The following C1orf167 variants were observed in gnomAD, a reference collection of about 807,000 sequenced individuals.
The protein encoded by C1orf167 is uncharacterized protein C1orf167.
In C1orf167, 153 loss-of-function variants were observed where a neutral mutation model predicts 176.5. The observed-to-expected ratio is 0.87, with a 90% CI of 0.76 to 0.99. The LOEUF (loss-of-function observed/expected upper bound fraction) is 0.99, where lower values mean the gene tolerates loss of function less well. C1orf167 is among the 50% of genes least tolerant of loss of function. The pLI, the probability that C1orf167 is intolerant of heterozygous loss-of-function variation, is 0.00. For synonymous variants in C1orf167, 594 were observed against 752.7 expected (o/e 0.79, Z 3.45); for missense variants, 1,490 against 1,817.7 (o/e 0.82, Z 3.28).
Position 11,772,790 on chromosome 1 carries a change from A to G in C1orf167, c.1988+531A>G, listed in dbSNP as rs1027870827. Among the ~76,000 whole-genome samples, 3 of 152,196 alleles carry G rather than the reference A, an allele frequency of 2.0e-5. No homozygotes were observed. In the East Asian group the frequency reaches 5.8e-4, roughly 29 times the overall value. On this transcript the variant is annotated intron_variant, in intron 8 of 20. Coordinates refer to ENST00000688073, the MANE Select transcript of C1orf167 (RefSeq NM_001010881.2). ...AACAGACAGGAAACTAGCAGTCCCAAGGGTGTATGTGAATACCACCTGGCT... is the reference window on the plus strand; with the variant it reads ...AACAGACAGGAAACTAGCAGTCCCAGGGGTGTATGTGAATACCACCTGGCT...
rs1160949051 is a variant in C1orf167, at chr1:11,767,076, T to G, written c.1290T>G (p.Ser430Arg). The G allele has an allele frequency of 3.0e-5, 37 of 1,232,890 alleles. No homozygotes were observed. Among genetic ancestry groups the G allele is most frequent in the Non-Finnish European group, 1.0e-6 (1 of 959,670 alleles). The allele number at this position is 1,232,890 out of a possible 1,614,324, so 76.4% of individuals were successfully genotyped here. The change falls in exon 3 of 21, where the codon AGT (serine) becomes AGG (arginine). Residue 430 changes from serine to arginine, a missense_variant. Ser to Arg is a moderately radical substitution (Grantham distance 110). Coordinates refer to ENST00000688073, the MANE Select transcript of C1orf167 (RefSeq NM_001010881.2). ...TGTCAGACACAGTCCCAGCGAGCAG[T>G]GCGTCGAAGGTAGAGGCCCGGGGAG... is the stretch of plus-strand genomic sequence containing the variant. ...FHLSDTVPAS[S>R]ASKNKAQNIT... is the part of the protein sequence containing the mutation.
At chr1:11,777,034 G>T (rs1643352605) in intron 10 of C1orf167, 1 of 155,426 alleles carries the variant, frequency 6.4e-6, no homozygotes, top group African/African-American at 2.4e-5. Context: ...TGCCTGGCAT[G>T]TTGCAGGCAC....
rs957197036 is a variant in C1orf167, at chr1:11,766,004, C to A, written c.218C>A (p.Thr73Asn). Residue 73 changes from threonine (T) to asparagine (N), a missense_variant, in exon 3 of 21, where the codon ACC becomes AAC. Transcript: ENST00000688073. This position sits in a 1 kb window ranked among gnomAD's most constrained non-coding sequence, Gnocchi z 4.5. ...VLDQEPCRVQ[T>N]NLASPGPRLG... Reference sequence around the variant, plus strand: ...GACCAGGAGCCCTGCCGAGTCCAGACCAACCTGGCCAGCCCTGGTCCCCGC... The same window carrying A: ...GACCAGGAGCCCTGCCGAGTCCAGAACAACCTGGCCAGCCCTGGTCCCCGC... 16 of 1,289,378 alleles carry A rather than the reference C, an allele frequency of 1.2e-5. No individual in the cohort carries two copies. Among genetic ancestry groups the A allele is most frequent in the Admixed American group, 2.3e-5 (1 of 43,522 alleles). The allele number at this position is 1,289,378 out of a possible 1,614,324, so 79.9% of individuals were successfully genotyped here.
intron 9 of C1orf167, 135 bp downstream of exon 9, chr1:11,775,745 G>A (rs1396049542): frequency 8.9e-7 from 1 of 1,123,088 alleles, no homozygotes; most frequent in Non-Finnish European, 1.2e-6. Flanking sequence ...CTGTAGGCCT[G>A]GGAGGGTGCA....
chr1:11,770,521 G>A (rs1323977423), intron 6 of C1orf167, among the ~76,000 whole-genome samples: 5 of 148,234 alleles, frequency 3.4e-5, no homozygotes, highest in Non-Finnish European at 7.4e-5. Flanking sequence ...CTGGCTCACT[G>A]CAACCTCCGC....
At chr1:11,785,667 G>C (rs1643829638) in intron 16 of C1orf167, 1 of 164,252 alleles carries the variant, frequency 6.1e-6, no homozygotes, top group Non-Finnish European at 1.3e-5. Flanking sequence ...ACATTGAAAT[G>C]CATGCTTTCT....
Position 11,776,590 on chromosome 1 carries a change from G to T in C1orf167, c.2291G>T (p.Trp764Leu). 8.2e-7 allele frequency: 1 copy of T among 1,220,320 alleles called. No homozygotes were observed. Among genetic ancestry groups the T allele is most frequent in the Non-Finnish European group, 1.1e-6 (1 of 948,832 alleles). The allele number at this position is 1,220,320 out of a possible 1,614,324, so 75.6% of individuals were successfully genotyped here. ...GCCTGCTGGACACTGGCCCTCTGCT[G>T]GGCGCTGCTGCTGTGGAAGATGCGG... is the stretch of plus-strand genomic sequence containing the variant. ...QDACWTLALC[W>L]ALLLWKMRLF... The change falls in exon 10 of 21, where the codon TGG becomes TTG. Residue 764 changes from tryptophan (W) to leucine (L), a missense_variant. Trp to Leu is a moderately conservative substitution (Grantham distance 61). Transcript: ENST00000688073.
chr1:11,770,087 G>A (rs1429728262), intron 6 of C1orf167, among the ~76,000 whole-genome samples: 1 of 151,650 alleles, frequency 6.6e-6, no homozygotes, highest in African/African-American at 2.4e-5. Flanking sequence ...CCCCCTCCCT[G>A]GAAGTATTTT....
rs144528143 is a variant in C1orf167, at chr1:11,766,493, C to T, written c.707C>T (p.Ala236Val). Residue 236 changes from alanine (A) to valine (V), a missense_variant, in exon 3 of 21, where the codon GCC (alanine) becomes GTC (valine). Transcript: ENST00000688073. The surrounding 1 kb of genome is among the most constrained non-coding windows in gnomAD (Gnocchi z 4.5). The stretch of plus-strand genomic sequence containing the variant: ...CAGACTCAGGCCCCATCCCGTGCTG[C>T]CGTCCACCAGCTGCTGGCTTCTGTA... ...QNQTQAPSRA[A>V]VHQLLASVHC... 4 of 1,282,986 alleles carry T rather than the reference C, an allele frequency of 3.1e-6. No individual in the cohort carries two copies. The East Asian group carries it at 2.2e-4, about 71-fold the overall frequency. The allele number at this position is 1,282,986 out of a possible 1,614,324, so 79.5% of individuals were successfully genotyped here.
rs183550082 is a variant in C1orf167 at position 11,771,435 on chromosome 1, C to T, written c.1698-89C>T. ...GCGCCCCCTGCTCCCAAGGGCAGAC[C>T]GCACCTGCCTGGGGTGGGGCGGACA... On this transcript the variant is annotated intron_variant, in intron 6 of 20. Coordinates refer to ENST00000688073, the MANE Select transcript of C1orf167 (RefSeq NM_001010881.2). The T allele has an allele frequency of 5.4e-4, 398 of 736,716 alleles. 2 individuals carry two copies. Among genetic ancestry groups the T allele is most frequent in the Admixed American group, 4.6e-3 (192 of 41,392 alleles). 45.6% of individuals were successfully genotyped at this position (736,716 alleles called of 1,614,324 possible).
In C1orf167 at chr1:11,765,888, C is replaced by T. The variant is rs371199622; in HGVS notation, c.102C>T (p.Ile34=). Residue 34 remains isoleucine, a synonymous_variant, in exon 3 of 21, where the codon ATC becomes ATT. Coordinates refer to ENST00000688073, the MANE Select transcript of C1orf167 (RefSeq NM_001010881.2). ...GAAGATTCCGGAGGAGCCTGGGCAT[C>T]GGCCTGAGTGGTAGACATGACCAGT... The part of the protein sequence containing the change: ...EQRRFRRSLG[I]GLSGRHDQWV... The T allele has an allele frequency of 2.3e-5, 28 of 1,198,758 alleles. No individual in the cohort carries two copies. The highest frequency in any genetic ancestry group is 5.8e-5 in the East Asian group (1 of 17,252). 74.3% of individuals were successfully genotyped at this position (1,198,758 alleles called of 1,614,324 possible).
chr1:11,766,705 G>A lies in C1orf167; in HGVS notation c.919G>A (p.Ala307Thr). The A allele has an allele frequency of 7.8e-7, 1 of 1,289,740 alleles. No homozygotes were observed. The highest frequency in any genetic ancestry group is 1.2e-5 in the South Asian group (1 of 81,024). The allele number at this position is 1,289,740 out of a possible 1,614,324, so 79.9% of individuals were successfully genotyped here. A position where few individuals can be genotyped will look rare whatever the true frequency, so the allele number is the denominator to read the frequency against. ...CCTTCGAGGCCACAGGGAAACTGCG[G>A]CTTTCTTGGAGACCCCGGCTAGTCT... ...RRLRGHRETA[A>T]FLETPASLSD... The change falls in exon 3 of 21, where the codon GCT becomes ACT. Residue 307 changes from alanine to threonine, a missense_variant. Ala to Thr is a moderately conservative substitution (Grantham distance 58). Transcript: ENST00000688073. This position sits in a 1 kb window ranked among gnomAD's most constrained non-coding sequence, Gnocchi z 4.5.
chr1:11,778,604 AC>A, intron 10 of C1orf167, 55 bp from the exon 11 acceptor site: 1 of 1,245,126 alleles, frequency 8.0e-7, no homozygotes, highest in South Asian at 1.4e-5. Context: ...CTGCTTGGCC[AC>A]CCTGCACAGC....
intron 9 of C1orf167, 64 bp downstream of exon 9, chr1:11,775,674 C>G: frequency 8.0e-7 from 1 of 1,244,984 alleles, no homozygotes; most frequent in Non-Finnish European, 1.0e-6. Context: ...TCAGTGGTCC[C>G]CAGTTGAATA....
chr1:11,764,199 A>G, intron 1 of C1orf167, 132 bp from the exon 2 acceptor site: 1 of 368,062 alleles, frequency 2.7e-6, no homozygotes, highest in Non-Finnish European at 5.4e-6. Flanking sequence ...AGAGACCAGA[A>G]CAGTGAGGGG....
rs376990486 is a variant in C1orf167, at chr1:11,775,393, G to C, written c.1989-42G>C. The stretch of plus-strand genomic sequence containing the variant: ...CAGGCAGCTGGAGCCGCAGTCATCA[G>C]ATCTTGCAATTGACATGGGTACTTT... On this transcript the variant is annotated intron_variant, in intron 8 of 20. Coordinates refer to ENST00000688073, the MANE Select transcript of C1orf167 (RefSeq NM_001010881.2). The C allele has an allele frequency of 8.8e-6, 11 of 1,253,904 alleles. No individual in the cohort carries two copies. In the South Asian group the frequency reaches 1.5e-4, roughly 17 times the overall value. The allele number at this position is 1,253,904 out of a possible 1,614,324, so 77.7% of individuals were successfully genotyped here.
rs1277314362 is a variant in C1orf167 at position 11,775,638 on chromosome 1, C to G, written c.2164+28C>G. On this transcript the variant is annotated intron_variant, in intron 9 of 20. Transcript: ENST00000688073. The stretch of plus-strand genomic sequence containing the variant: ...GAGCTAGTGTTGGCTTCCGCCCCAG[C>G]AAACCGTGTCACTTAAGCCCCTTCT... 4 of 1,285,706 alleles carry G rather than the reference C, an allele frequency of 3.1e-6. No individual in the cohort carries two copies. The African/African-American group carries it at 6.1e-5, about 20-fold the overall frequency. The allele number at this position is 1,285,706 out of a possible 1,614,324, so 79.6% of individuals were successfully genotyped here.
Position 11,768,784 on chromosome 1 carries a change from C to T in C1orf167, c.1543-189C>T, listed in dbSNP as rs1337788173. Among the ~76,000 whole-genome samples, 2 of 152,022 alleles carry T rather than the reference C, an allele frequency of 1.3e-5. No individual in the cohort carries two copies. The highest frequency in any genetic ancestry group is 2.9e-5 in the Non-Finnish European group (2 of 68,006). ...GAAAGCGTTGCCTCTTGGGATGCATCGCTCTATATTTGTTCATTCATTCAT... is the reference window on the plus strand; with the variant it reads ...GAAAGCGTTGCCTCTTGGGATGCATTGCTCTATATTTGTTCATTCATTCAT... On this transcript the variant is annotated intron_variant, in intron 5 of 20. Transcript: ENST00000688073. The surrounding 1 kb of genome is among the most constrained non-coding windows in gnomAD (Gnocchi z 4.5).
rs1643810614 is a variant in C1orf167 at position 11,785,357 on chromosome 1, T to C, written c.3567+68T>C. The C allele has an allele frequency of 2.5e-6, 3 of 1,218,586 alleles. No individual in the cohort carries two copies. In the South Asian group the frequency reaches 4.1e-5, roughly 17 times the overall value. 75.5% of individuals were successfully genotyped at this position (1,218,586 alleles called of 1,614,324 possible). A position where few individuals can be genotyped will look rare whatever the true frequency, so the allele number is the denominator to read the frequency against. Reference sequence around the variant, plus strand: ...ATGGCCAGCAGGGGGAGCCTGCTGCTGGACGCCCCAGCCCCTTGGAAACAG... The same window carrying C: ...ATGGCCAGCAGGGGGAGCCTGCTGCCGGACGCCCCAGCCCCTTGGAAACAG... On this transcript the variant is annotated intron_variant, in intron 16 of 20. Coordinates refer to ENST00000688073, the MANE Select transcript of C1orf167 (RefSeq NM_001010881.2).
Sources: gnomAD v4.1 joint callset for allele counts (sites outside exome capture counted in the v4.1 genomes callset) on GRCh38, gnomAD v4.1.1 for gene constraint, Gnocchi (gnomAD v3.1) non-coding constraint, MANE v1.5 for transcripts, NCBI Gene and HGNC (gene_info 2026-07-23, HGNC 2026-07-21) for gene names.